Variants in SBK1 observed in about 807,000 individuals in gnomAD.
SBK1 encodes SH3 domain binding kinase 1.
In SBK1, 11 loss-of-function variants were observed where a neutral mutation model predicts 24.4. The ratio of observed to expected loss-of-function variants is 0.45; its 90% CI spans 0.28 to 0.75. SBK1 has a LOEUF of 0.75. Ranked by LOEUF, SBK1 falls within the 30% of genes least tolerant of loss-of-function variation. The pLI is 0.12. For missense variants in SBK1, 467 were observed against 620.5 expected (o/e 0.75, Z 2.63); for synonymous variants, 308 against 284.4 (o/e 1.08, Z -0.83).
chr16:28,316,964 G>C (rs930659315), intron 1 of SBK1, among the ~76,000 whole-genome samples: 4 of 152,210 alleles, frequency 2.6e-5, no homozygotes, highest in African/African-American at 4.8e-5. Context: ...GGGATCACTT[G>C]AATCCAGGAT....
In SBK1 at chr16:28,293,166, G is replaced by A. The variant is rs993962285; in HGVS notation, c.-142G>A. ...CCCCCCCCTAAAGCTCCAGGACTTGGGCGACTGAGCCCCTGGCGGCACCGC... is the reference window on the plus strand; with the variant it reads ...CCCCCCCCTAAAGCTCCAGGACTTGAGCGACTGAGCCCCTGGCGGCACCGC... On this transcript the variant is annotated 5_prime_UTR_variant, in exon 1 of 4. Transcript: ENST00000341901. 1.0e-6 allele frequency: 1 copy of A among 985,418 alleles called. No individual in the cohort carries two copies. Among genetic ancestry groups the A allele is most frequent in the Non-Finnish European group, 1.2e-6 (1 of 830,052 alleles). The allele number at this position is 985,418 out of a possible 1,614,324, so 61.0% of individuals were successfully genotyped here.
intron 1 of SBK1, among the ~76,000 whole-genome samples, chr16:28,313,613 AC>A (rs1291765937): frequency 2.0e-5 from 3 of 149,572 alleles, no homozygotes; most frequent in Non-Finnish European, 4.5e-5. Context: ...AAAAAAAAAA[AC>A]ATACTGACAG....
chr16:28,274,846 G>C (rs1255467322), intron 1 of SBK1, among the ~76,000 whole-genome samples: 1 of 152,186 alleles, frequency 6.6e-6, no homozygotes, highest in African/African-American at 2.4e-5. Flanking sequence ...AGGGGGGATA[G>C]GATGTGGGAG....
At chr16:28,264,082 TTG>T (rs2044413353) in intron 1 of SBK1, among the ~76,000 whole-genome samples, 1 of 152,006 alleles carries the variant, frequency 6.6e-6, no homozygotes, top group African/African-American at 2.4e-5. Context: ...TGAGCTGTGA[TTG>T]TGTCACCACA....
upstream of SBK1, chr16:28,291,876 AG>A (rs1368309842): frequency 1.3e-5 from 2 of 152,250 alleles, no homozygotes; most frequent in Non-Finnish European, 2.9e-5. Context: ...AGGCGACCTC[AG>A]TTGGATAGGG....
rs1282070317 is a variant in SBK1, at chr16:28,321,839, C to T, written c.*918C>T. Reference sequence around the variant, plus strand: ...GAGAGCAGGTCCCAGCTCCCCCTGCCAGCCGCACTGTCCCAGGCCCAGGGA... The same window carrying T: ...GAGAGCAGGTCCCAGCTCCCCCTGCTAGCCGCACTGTCCCAGGCCCAGGGA... On this transcript the variant is annotated 3_prime_UTR_variant, in exon 4 of 4. Transcript: ENST00000341901. 2.0e-5 allele frequency: 3 copies of T among 152,476 alleles called. No homozygotes were observed. Among genetic ancestry groups the T allele is most frequent in the African/African-American group, 7.2e-5 (3 of 41,448 alleles). 9.4% of individuals were successfully genotyped at this position (152,476 alleles called of 1,614,324 possible).
chr16:28,261,764 C>T (rs2044399212), intron 1 of SBK1, among the ~76,000 whole-genome samples: 1 of 152,188 alleles, frequency 6.6e-6, no homozygotes, highest in Non-Finnish European at 1.5e-5. Flanking sequence ...CAGTTTCCTC[C>T]AGGTGAACAA....
At position 28,321,802 on chromosome 16, in the gene SBK1, TAG is replaced by T. The variant is rs1322022559; in HGVS notation, c.*882_*883del. On this transcript the variant is annotated 3_prime_UTR_variant, in exon 4 of 4. Coordinates refer to ENST00000341901, the MANE Select transcript of SBK1 (RefSeq NM_001024401.3). ...GCCCCCATCCTTAGGGCAGGGGAGT[TAG>T]TGTGGAGCCGAGAGCAGGTCCCAGC... 2.0e-5 allele frequency: 3 copies of T among 152,128 alleles called. No individual in the cohort carries two copies. The highest frequency in any genetic ancestry group is 7.3e-5 in the African/African-American group (3 of 41,322). 9.4% of individuals were successfully genotyped at this position (152,128 alleles called of 1,614,324 possible). A position where few individuals can be genotyped will look rare whatever the true frequency, so the allele number is the denominator to read the frequency against.
At chr16:28,305,686 C>T (rs2044711955) in intron 1 of SBK1, among the ~76,000 whole-genome samples, 1 of 152,030 alleles carries the variant, frequency 6.6e-6, no homozygotes, top group Non-Finnish European at 1.5e-5. Context: ...CGCCTGCCAC[C>T]ACACCTGGCT....
chr16:28,267,009 C>T (rs925600429), intron 1 of SBK1, among the ~76,000 whole-genome samples: 2 of 151,998 alleles, frequency 1.3e-5, no homozygotes, highest in East Asian at 1.9e-4. Context: ...AGGGTTCAAT[C>T]GATTCTCCTG....
chr16:28,301,388 G>A (rs1263145198), intron 1 of SBK1, among the ~76,000 whole-genome samples: 3 of 152,230 alleles, frequency 2.0e-5, no homozygotes, highest in East Asian at 1.9e-4. Flanking sequence ...GATGTGCCCC[G>A]AGAAGGGGCG....
chr16:28,316,021 T>TCC (rs1385264918), intron 1 of SBK1, among the ~76,000 whole-genome samples: 2 of 152,208 alleles, frequency 1.3e-5, no homozygotes, highest in South Asian at 2.1e-4. Flanking sequence ...CCACTCAGCC[T>TCC]CCCAAAGTGC....
In SBK1 at chr16:28,293,120, C is replaced by A. The variant is rs1427458859; in HGVS notation, c.-188C>A. On this transcript the variant is annotated 5_prime_UTR_variant, in exon 1 of 4. Coordinates refer to ENST00000341901, the MANE Select transcript of SBK1 (RefSeq NM_001024401.3). The stretch of plus-strand genomic sequence containing the variant: ...CCGGGGACAGCAAGAGACACTCTCA[C>A]CAGCAAGAAGCCTCGGGGATCCCCC... The A allele has an allele frequency of 1.0e-6, 1 of 985,690 alleles. No homozygotes were observed. Among genetic ancestry groups the A allele is most frequent in the East Asian group, 1.1e-4 (1 of 8,916 alleles). The allele number at this position is 985,690 out of a possible 1,614,324, so 61.1% of individuals were successfully genotyped here.
At chr16:28,265,854 A>T (rs1008045289) in intron 1 of SBK1, among the ~76,000 whole-genome samples, 2 of 151,612 alleles carry the variant, frequency 1.3e-5, no homozygotes, top group Admixed American at 6.6e-5. Flanking sequence ...CGCACCTGTA[A>T]TCTGAGCTAC....
intron 1 of SBK1, among the ~76,000 whole-genome samples, chr16:28,302,364 G>A (rs1352848367): frequency 1.3e-5 from 2 of 152,236 alleles, no homozygotes; most frequent in Non-Finnish European, 2.9e-5. Context: ...AAACAAAGGT[G>A]AAGGTCGGGG....
intron 1 of SBK1, among the ~76,000 whole-genome samples, chr16:28,293,626 C>T (rs2044618290): frequency 6.6e-6 from 1 of 152,000 alleles, no homozygotes; most frequent in Admixed American, 6.5e-5. Flanking sequence ...AGGTTGGCCC[C>T]CAGGTCCTTG....
chr16:28,314,210 G>A (rs1482072482), intron 1 of SBK1, among the ~76,000 whole-genome samples: 2 of 151,778 alleles, frequency 1.3e-5, no homozygotes, highest in Admixed American at 6.6e-5. Context: ...AGGCTGGAGT[G>A]CAGTGAAGTG....
rs1313603172 is a variant in SBK1 at position 28,321,094 on chromosome 16, C to G, written c.*173C>G. ...CCCCGGCGGGCTGGTGAGGGGGCCA[C>G]CAAAGACCCCTAGCGCGGCCTGGTG... On this transcript the variant is annotated 3_prime_UTR_variant, in exon 4 of 4. Transcript: ENST00000341901. The G allele has an allele frequency of 1.8e-6, 1 of 554,070 alleles. No individual in the cohort carries two copies. Among genetic ancestry groups the G allele is most frequent in the Non-Finnish European group, 2.8e-6 (1 of 360,802 alleles). 34.3% of individuals were successfully genotyped at this position (554,070 alleles called of 1,614,324 possible).
At chr16:28,280,149 A>ATATATATATATGTGTG (rs1230385223) in intron 1 of SBK1, among the ~76,000 whole-genome samples, 34 of 39,406 alleles carry the variant, frequency 8.6e-4, no homozygotes, top group African/African-American at 2.6e-3. Context: ...ATATATATAT[A>ATATATATATATGTGTG]TGTGTGTGTG....
Sources: gnomAD v4.1 joint callset for allele counts (sites outside exome capture counted in the v4.1 genomes callset) on GRCh38, gnomAD v4.1.1 for gene constraint, MANE v1.5 for transcripts, NCBI Gene and HGNC (gene_info 2026-07-23, HGNC 2026-07-21) for gene names.